KHK: variants seen among roughly 807,000 people sequenced by gnomAD.
KHK encodes the protein fructokinase.
Under a neutral mutation model 36.0 loss-of-function variants are expected in KHK, and 37 were observed. The ratio of observed to expected loss-of-function variants is 1.03; its 90% CI spans 0.79 to 1.35. The LOEUF is 1.35. Ranked by LOEUF, KHK falls within the 40% of genes most tolerant of loss-of-function variation. The pLI is 0.00. For synonymous variants in KHK, 161 were observed against 162.8 expected, an observed-to-expected ratio of 0.99 and a Z score of 0.08; for missense variants, 395 against 391.9, an observed-to-expected ratio of 1.01 and a Z score of -0.07.
chr2:27,092,590 C>T, intron 2 of KHK, 142 bp downstream of exon 2: 2 of 687,842 alleles, frequency 2.9e-6, no homozygotes, highest in Non-Finnish European at 2.6e-6. Context: ...TGGCGGAGCA[C>T]CAGACGCCCA....
chr2:27,091,445 C>T (rs1447818778), intron 1 of KHK, among the ~76,000 whole-genome samples: 3 of 152,168 alleles, frequency 2.0e-5, no homozygotes, highest in Non-Finnish European at 2.9e-5. Flanking sequence ...ACTGAAGTTT[C>T]GCGTACAAAT....
chr2:27,087,054 C>T lies in KHK; in HGVS notation c.-206C>T. ...CTGGGTTGGCTTTCCTAGACCCGCT[C>T]GGGTCTTCGGGTGTCGCGAGGAAGG... is the stretch of plus-strand genomic sequence containing the variant. On this transcript the variant is annotated 5_prime_UTR_variant, in exon 1 of 8. Transcript: ENST00000260598. The T allele has an allele frequency of 1.9e-6, 1 of 532,208 alleles. No individual in the cohort carries two copies. Among genetic ancestry groups the T allele is most frequent in the Non-Finnish European group, 3.4e-6 (1 of 295,994 alleles). The allele number at this position is 532,208 out of a possible 1,614,324, so 33.0% of individuals were successfully genotyped here.
chr2:27,099,836 T>G lies in KHK; in HGVS notation c.*86T>G, dbSNP rs1397881088. 1 of 1,560,292 alleles carries G rather than the reference T, an allele frequency of 6.4e-7. No individual in the cohort carries two copies. Among genetic ancestry groups the G allele is most frequent in the Non-Finnish European group, 8.7e-7 (1 of 1,152,562 alleles). Reference sequence around the variant, plus strand: ...CCCTCCATCCAGCCTGGCGTCCAGGTTGCCCTGTTCAGGGGACAGATGCAA... The same window carrying G: ...CCCTCCATCCAGCCTGGCGTCCAGGGTGCCCTGTTCAGGGGACAGATGCAA... On this transcript the variant is annotated 3_prime_UTR_variant, in exon 8 of 8. Coordinates refer to ENST00000260598, the MANE Select transcript of KHK (RefSeq NM_006488.3).
In KHK at chr2:27,100,292, G is replaced by C. The variant is rs1670735775; in HGVS notation, c.*542G>C. 1 of 490,478 alleles carries C rather than the reference G, an allele frequency of 2.0e-6. No homozygotes were observed. Among genetic ancestry groups the C allele is most frequent in the South Asian group, 1.8e-5 (1 of 55,076 alleles). The allele number at this position is 490,478 out of a possible 1,614,324, so 30.4% of individuals were successfully genotyped here. ...CTGAGCTGAACTGACAGGCCAGTGG[G>C]GGGCAGGGGTGCGCCTCCTCTGCCC... On this transcript the variant is annotated 3_prime_UTR_variant, in exon 8 of 8. Coordinates refer to ENST00000260598, the MANE Select transcript of KHK (RefSeq NM_006488.3).
At chr2:27,094,715 C>T (rs1670229049) in intron 2 of KHK, 85 bp from the exon 3 acceptor site, 3 of 1,612,886 alleles carry the variant, frequency 1.9e-6, no homozygotes, top group Non-Finnish European at 2.5e-6. Flanking sequence ...AGCACCCTCT[C>T]CCCACTCCTT....
chr2:27,093,306 G>A (rs533209241), intron 2 of KHK, among the ~76,000 whole-genome samples: 31 of 152,240 alleles, frequency 2.0e-4, no homozygotes, highest in Non-Finnish European at 3.7e-4. Flanking sequence ...GGGACAGGAC[G>A]GCTCAGAACC....
rs1390789894 is a variant in KHK at position 27,087,283 on chromosome 2, C to T, written c.24C>T (p.Cys8=). The T allele has an allele frequency of 5.6e-6, 9 of 1,598,632 alleles. No homozygotes were observed. Among genetic ancestry groups the T allele is most frequent in the Non-Finnish European group, 7.7e-6 (9 of 1,172,268 alleles). Reference sequence around the variant, plus strand: ...TCATGGAAGAGAAGCAGATCCTGTGCGTGGGGCTAGTGGTGCTGGACGTCA... The same window carrying T: ...TCATGGAAGAGAAGCAGATCCTGTGTGTGGGGCTAGTGGTGCTGGACGTCA... MEEKQIL[C]VGLVVLDVIS... The change falls in exon 1 of 8, where the codon TGC becomes TGT. Residue 8 remains cysteine (C), a synonymous_variant. Coordinates refer to ENST00000260598, the MANE Select transcript of KHK (RefSeq NM_006488.3).
intron 5 of KHK, among the ~76,000 whole-genome samples, chr2:27,097,865 C>T (rs1670479863): frequency 1.3e-5 from 2 of 152,298 alleles, no homozygotes; most frequent in Non-Finnish European, 2.9e-5. Context: ...AATGTCTCCA[C>T]CCCAGGTGGG....
At chr2:27,090,289 A>C (rs2148335086) in intron 1 of KHK, among the ~76,000 whole-genome samples, 1 of 152,340 alleles carries the variant, frequency 6.6e-6, no homozygotes, top group Non-Finnish European at 1.5e-5. Flanking sequence ...AGTAATTAGC[A>C]ATGGCTTTGG....
chr2:27,090,452 C>CTTTTTTTTT (rs559420015), intron 1 of KHK, among the ~76,000 whole-genome samples: 2 of 110,126 alleles, frequency 1.8e-5, no homozygotes, highest in African/African-American at 3.5e-5. Flanking sequence ...TTTTTTCTTT[C>CTTTTTTTTT]TTTTTTTTTT....
chr2:27,093,734 G>A (rs1234944744), intron 2 of KHK, among the ~76,000 whole-genome samples: 1 of 152,232 alleles, frequency 6.6e-6, no homozygotes. Flanking sequence ...AACAATGCCT[G>A]TCCATAGAGG....
At position 27,097,561 on chromosome 2, in the gene KHK, G is replaced by A. The variant is rs762849530; in HGVS notation, c.476G>A (p.Arg159Lys). The A allele has an allele frequency of 7.4e-6, 12 of 1,614,036 alleles. No individual in the cohort carries two copies. In the Admixed American group the frequency reaches 2.0e-4, roughly 27 times the overall value. ...CAGCGGATAGACGCACACAACACCA[G>A]GCAGCCTCCAGAGCAGAAGATCCGG... ...MLQRIDAHNT[R>K]QPPEQKIRVS... The change falls in exon 5 of 8, where the codon AGG (arginine) becomes AAG (lysine). Residue 159 changes from arginine to lysine, a missense_variant. Transcript: ENST00000260598.
intron 2 of KHK, chr2:27,094,400 G>A: frequency 1.3e-6 from 2 of 1,579,172 alleles, no homozygotes; most frequent in Non-Finnish European, 1.7e-6. Context: ...AGGGTCCCTA[G>A]TGGCCCTGCC....
rs750863687 is a variant in KHK at position 27,100,449 on chromosome 2, T to G, written c.*699T>G. 9.3e-6 allele frequency: 12 copies of G among 1,290,892 alleles called. No individual in the cohort carries two copies. The African/African-American group carries it at 1.8e-4, about 20-fold the overall frequency. 80.0% of individuals were successfully genotyped at this position (1,290,892 alleles called of 1,614,324 possible). ...TAAGGGCGTGCCTCAGCCACAAATG[T>G]GACCCAGGATACAGAGTGTTGCTGT... On this transcript the variant is annotated 3_prime_UTR_variant, in exon 8 of 8. Coordinates refer to ENST00000260598, the MANE Select transcript of KHK (RefSeq NM_006488.3).
chr2:27,088,444 G>A (rs772231919), intron 1 of KHK, among the ~76,000 whole-genome samples: 7 of 151,352 alleles, frequency 4.6e-5, no homozygotes, highest in Non-Finnish European at 1.0e-4. Flanking sequence ...ACAGAGTCTC[G>A]CTCTGTTGCC....
chr2:27,089,380 G>C (rs992413653), intron 1 of KHK, among the ~76,000 whole-genome samples: 13 of 152,348 alleles, frequency 8.5e-5, no homozygotes, highest in African/African-American at 3.1e-4. Flanking sequence ...GGCACTCAGT[G>C]AGGAGTTGGG....
intron 1 of KHK, among the ~76,000 whole-genome samples, chr2:27,087,589 A>G (rs1669735848): frequency 6.6e-6 from 1 of 151,460 alleles, no homozygotes; most frequent in South Asian, 2.1e-4. Flanking sequence ...GCCAATTTCC[A>G]TTTCAACTCA....
chr2:27,095,975 A>G (rs1670308118), intron 3 of KHK, among the ~76,000 whole-genome samples: 1 of 152,256 alleles, frequency 6.6e-6, no homozygotes, highest in Non-Finnish European at 1.5e-5. Flanking sequence ...GTCCAGGCAC[A>G]TTCACACACA....
chr2:27,100,102 G>A lies in KHK; in HGVS notation c.*352G>A, dbSNP rs940934075. 8.7e-6 allele frequency: 5 copies of A among 577,352 alleles called. No individual in the cohort carries two copies. The African/African-American group carries it at 9.4e-5, about 11-fold the overall frequency. 35.8% of individuals were successfully genotyped at this position (577,352 alleles called of 1,614,324 possible). On this transcript the variant is annotated 3_prime_UTR_variant, in exon 8 of 8. Transcript: ENST00000260598. ...CCCAGAGGAGGGGCTGCCTGGGCTA[G>A]AGCAGCGAGAAGTGCCCTGGGCTTG...
Sources: gnomAD v4.1 joint callset for allele counts (sites outside exome capture counted in the v4.1 genomes callset) on GRCh38, gnomAD v4.1.1 for gene constraint, MANE v1.5 for transcripts, NCBI Gene and HGNC (gene_info 2026-07-23, HGNC 2026-07-21) for gene names.